The following KIN variants were observed in gnomAD, a reference collection of about 807,000 sequenced individuals.
The protein encoded by KIN is Kin17 DNA and RNA binding protein, also known as DNA/RNA-binding protein KIN17.
Under a neutral mutation model 63.0 loss-of-function variants are expected in KIN, and 47 were observed. The observed-to-expected ratio is 0.75, with a 90% CI of 0.59 to 0.95. The LOEUF (loss-of-function observed/expected upper bound fraction) is 0.95, where lower values mean the gene tolerates loss of function less well. KIN is among the 40% of genes least tolerant of loss of function. The pLI, the probability that KIN is intolerant of heterozygous loss-of-function variation, is 0.00. For synonymous variants in KIN, 160 were observed against 157.7 expected (o/e 1.01, Z -0.11); for missense variants, 408 against 460.9 (o/e 0.89, Z 1.05).
rs1388073313 is a variant in KIN, at chr10:7,759,935, T to C, written c.1074A>G (p.Glu358=). 1 of 1,578,638 alleles carries C rather than the reference T, an allele frequency of 6.3e-7. No homozygotes were observed. The highest frequency in any genetic ancestry group is 8.6e-7 in the Non-Finnish European group (1 of 1,160,676). ...GGYRGNEGTL[E]SINEKTFSAT... ...CTGAAAAAGTCTTCTCATTGATGGA[T>C]TCTAGGGTACCTTCATTTCCTCTGT... Residue 358 remains glutamate, a synonymous_variant, in exon 12 of 13, where the codon GAA becomes GAG. Coordinates refer to ENST00000379562, the MANE Select transcript of KIN (RefSeq NM_012311.4).
chr10:7,759,843 A>G (rs1396376245), intron 12 of KIN, 47 bp downstream of exon 12: 1 of 978,372 alleles, frequency 1.0e-6, no homozygotes, highest in African/African-American at 1.7e-5. Context: ...ACTATGGCAC[A>G]TTTTTAAAGC....
intron 2 of KIN, among the ~76,000 whole-genome samples, chr10:7,782,555 T>C (rs1835919385): frequency 6.6e-6 from 1 of 151,980 alleles, no homozygotes; most frequent in South Asian, 2.1e-4. Context: ...CCCACCACCA[T>C]GTCCGGCTAA....
chr10:7,778,449 G>A (rs4747597), intron 5 of KIN, among the ~76,000 whole-genome samples: 125,986 of 152,152 alleles, frequency 0.83, 52,262 homozygotes, highest in East Asian at 0.87. Context: ...ACGCTGAAAA[G>A]ACACAAGCTG....
chr10:7,787,175 T>C (rs1836036056), intron 1 of KIN, among the ~76,000 whole-genome samples: 1 of 152,176 alleles, frequency 6.6e-6, no homozygotes, highest in Non-Finnish European at 1.5e-5. Context: ...TACAAGTAGG[T>C]GAAATTATTA....
rs1425712946 is a variant in KIN, at chr10:7,753,076, C to T, written c.*3004G>A. The T allele has an allele frequency of 6.6e-6, 1 of 152,114 alleles. No homozygotes were observed. Among genetic ancestry groups the T allele is most frequent in the Non-Finnish European group, 1.5e-5 (1 of 68,014 alleles). 9.4% of individuals were successfully genotyped at this position (152,114 alleles called of 1,614,324 possible). A position where few individuals can be genotyped will look rare whatever the true frequency, so the allele number is the denominator to read the frequency against. ...CTATGTTTGAAATAAAGAAAAATAG[C>T]TTATGATACTTCAAAAATCAAAGTC... On this transcript the variant is annotated 3_prime_UTR_variant, in exon 13 of 13. Coordinates refer to ENST00000379562, the MANE Select transcript of KIN (RefSeq NM_012311.4).
intron 11 of KIN, among the ~76,000 whole-genome samples, chr10:7,761,883 T>A (rs188641660): frequency 1.6e-3 from 238 of 152,222 alleles, no homozygotes; most frequent in Admixed American, 2.4e-3. Context: ...ATGCCTGTAA[T>A]CCCAGCTACT....
Position 7,763,761 on chromosome 10 carries a change from G to T in KIN, c.880C>A (p.Leu294Met). The T allele has an allele frequency of 1.4e-6, 2 of 1,446,638 alleles. No individual in the cohort carries two copies. The highest frequency in any genetic ancestry group is 1.9e-6 in the Non-Finnish European group (2 of 1,043,598). 89.6% of individuals were successfully genotyped at this position (1,446,638 alleles called of 1,614,324 possible). A position where few individuals can be genotyped will look rare whatever the true frequency, so the allele number is the denominator to read the frequency against. ...TTTTTCTTATGATATTTCTCTCCCA[G>T]TTTCTTGGTTATAATTTTCACAATA... Reference protein sequence around the residue: ...EIIVKIITKKLGEKYHKKKAI... With the variant: ...EIIVKIITKKMGEKYHKKKAI... Residue 294 changes from leucine (L) to methionine (M), a missense_variant, in exon 10 of 13, where the codon CTG becomes ATG. Coordinates refer to ENST00000379562, the MANE Select transcript of KIN (RefSeq NM_012311.4).
chr10:7,760,043 T>C (rs1293335870), intron 11 of KIN, 53 bp from the exon 12 acceptor site: 13 of 860,486 alleles, frequency 1.5e-5, no homozygotes, highest in Non-Finnish European at 2.4e-5. Context: ...TCCACTTTTC[T>C]TCTAACTTGT....
intron 11 of KIN, among the ~76,000 whole-genome samples, chr10:7,760,552 C>T (rs982929416): frequency 6.6e-6 from 1 of 152,144 alleles, no homozygotes; most frequent in Admixed American, 6.5e-5. Context: ...AGTAGTCCCC[C>T]CTTATCCCAG....
chr10:7,781,587 T>TCTACACACACACAC (rs71515486), intron 2 of KIN, among the ~76,000 whole-genome samples: 4 of 140,628 alleles, frequency 2.8e-5, no homozygotes, highest in African/African-American at 1.1e-4. Context: ...ACCCTGTCTC[T>TCTACACACACACAC]ACACACACAC....
chr10:7,775,020 T>G, intron 6 of KIN, 129 bp from the exon 7 acceptor site: 1 of 673,116 alleles, frequency 1.5e-6, no homozygotes, highest in South Asian at 1.8e-5. Context: ...GCTAAAATGT[T>G]CCTATACGGA....
Position 7,780,300 on chromosome 10 carries a change from G to A in KIN, c.217C>T (p.Arg73Ter), listed in dbSNP as rs138994831. ...CTGAGAAGTTCTAGAAAGTCATTTCGGAATTCCCTAATAAAGAAAGAAAGG... is the reference window on the plus strand; with the variant it reads ...CTGAGAAGTTCTAGAAAGTCATTTCAGAATTCCCTAATAAAGAAAGAAAGG... The part of the protein sequence containing the change: ...QFMDYFSEEF[R>*]NDFLELLRRR... Residue 73 changes from arginine to a stop codon, truncating the protein, a stop_gained, in exon 3 of 13, where the codon CGA becomes TGA. Transcript: ENST00000379562. LOFTEE classifies it high-confidence loss of function. The A allele has an allele frequency of 3.7e-5, 59 of 1,601,134 alleles. No homozygotes were observed. Among genetic ancestry groups the A allele is most frequent in the African/African-American group, 2.4e-4 (18 of 74,000 alleles).
At chr10:7,776,298 T>C (rs1835770229) in intron 5 of KIN, among the ~76,000 whole-genome samples, 1 of 149,220 alleles carries the variant, frequency 6.7e-6, no homozygotes, top group African/African-American at 2.5e-5. Context: ...CCTAGCACTT[T>C]GCGAGGCCAA....
At chr10:7,773,887 G>A (rs922955992) in intron 7 of KIN, among the ~76,000 whole-genome samples, 3 of 152,194 alleles carry the variant, frequency 2.0e-5, no homozygotes, top group African/African-American at 7.2e-5. Context: ...CAGAAATAGT[G>A]AATAAAGATT....
Position 7,785,694 on chromosome 10 carries a change from G to T in KIN, c.114+2126C>A, listed in dbSNP as rs558478533. ...TGTAATCCCAGCCTGTAAAGTAGCT[G>T]GGACAGCTACTTGGGAGGCTGAGGC... On this transcript the variant is annotated intron_variant, in intron 1 of 12. Transcript: ENST00000379562. 2.0e-5 allele frequency among the ~76,000 whole-genome samples: 3 copies of T among 152,002 alleles called. No individual in the cohort carries two copies. In the South Asian group the frequency reaches 6.2e-4, roughly 31 times the overall value.
rs1835871527 is a variant in KIN, at chr10:7,780,322, A to G, written c.210-15T>C. 4 of 1,593,748 alleles carry G rather than the reference A, an allele frequency of 2.5e-6. No individual in the cohort carries two copies. The highest frequency in any genetic ancestry group is 3.4e-6 in the Non-Finnish European group (4 of 1,169,164). ...TTCGGAATTCCCTAATAAAGAAAGA[A>G]AGGAAAGCATTAAGGTAATTTCTAC... On this transcript the variant is annotated splice_polypyrimidine_tract_variant and intron_variant, in intron 2 of 12. Coordinates refer to ENST00000379562, the MANE Select transcript of KIN (RefSeq NM_012311.4).
Position 7,775,671 on chromosome 10 carries a change from T to C in KIN, c.607+80A>G. Reference sequence around the variant, plus strand: ...ACATTCGATGTCTTATTCTCAGATATGTTGACAAGTTGCATTTTTAACAAA... The same window carrying C: ...ACATTCGATGTCTTATTCTCAGATACGTTGACAAGTTGCATTTTTAACAAA... On this transcript the variant is annotated intron_variant, in intron 6 of 12. Transcript: ENST00000379562. 3 of 686,386 alleles carry C rather than the reference T, an allele frequency of 4.4e-6. No individual in the cohort carries two copies. The South Asian group carries it at 5.7e-5, about 13-fold the overall frequency. The allele number at this position is 686,386 out of a possible 1,614,324, so 42.5% of individuals were successfully genotyped here.
In KIN at chr10:7,776,154, C is replaced by T. The variant is rs898427811; in HGVS notation, c.559-355G>A. Among the ~76,000 whole-genome samples, 21 of 149,866 alleles carry T rather than the reference C, an allele frequency of 1.4e-4. 1 individual carries two copies. Among genetic ancestry groups the T allele is most frequent in the Admixed American group, 1.1e-3 (17 of 14,950 alleles). ...CTGAGGCAGGAGAATCACGTGAACC[C>T]GGGAGGCAGAGGTTGCAGTGAGCCA... On this transcript the variant is annotated intron_variant, in intron 5 of 12. Transcript: ENST00000379562.
intron 10 of KIN, 39 bp downstream of exon 10, chr10:7,763,684 C>T (rs1250553864): frequency 8.5e-7 from 1 of 1,179,126 alleles, no homozygotes; most frequent in Non-Finnish European, 1.2e-6. Flanking sequence ...GTGACCCAAG[C>T]TTTTTTCACA....
Sources: gnomAD v4.1 joint callset for allele counts (sites outside exome capture counted in the v4.1 genomes callset) on GRCh38, gnomAD v4.1.1 for gene constraint, MANE v1.5 for transcripts, NCBI Gene and HGNC (gene_info 2026-07-23, HGNC 2026-07-21) for gene names.